The following OR2AT4 variants were observed in gnomAD, a reference collection of about 807,000 sequenced individuals.
OR2AT4 encodes the protein olfactory receptor family 2 subfamily AT member 4, also known as olfactory receptor 2AT4.
In OR2AT4, 6 loss-of-function variants were observed where a neutral mutation model predicts 10.3. The observed-to-expected ratio is 0.58, with a 90% confidence interval of 0.32 to 1.15. The LOEUF (loss-of-function observed/expected upper bound fraction) is 1.15, where lower values mean the gene tolerates loss of function less well. OR2AT4 is among the 50% of genes most tolerant of loss of function. OR2AT4 has a pLI of 0.05. For missense variants in OR2AT4, 354 were observed against 393.8 expected, an observed-to-expected ratio of 0.90 and a Z score of 0.85; for synonymous variants, 145 against 159.1, an observed-to-expected ratio of 0.91 and a Z score of 0.67.
chr11:75,094,218 C>T (rs1949335074), intron 1 of OR2AT4, among the ~76,000 whole-genome samples: 1 of 152,148 alleles, frequency 6.6e-6, no homozygotes, highest in East Asian at 1.9e-4. Flanking sequence ...AGGACTGGAG[C>T]CCAGGCTCTA....
exon 2 of OR2AT4, chr11:75,089,222 T>C: frequency 6.2e-7 from 1 of 1,614,194 alleles, no homozygotes; most frequent in Non-Finnish European, 8.5e-7. Flanking sequence ...TCCTTACTAC[T>C]GCTGGGATGG....
chr11:75,088,679 G>T, exon 2 of OR2AT4: 2 of 1,340,330 alleles, frequency 1.5e-6, no homozygotes, highest in Non-Finnish European at 2.0e-6. Flanking sequence ...TCATTATCAT[G>T]TATTGAGTCC....
chr11:75,083,233 G>T (rs1232347965), exon 2 of OR2AT4: 1 of 151,772 alleles, frequency 6.6e-6, no homozygotes, highest in Non-Finnish European at 1.5e-5. Flanking sequence ...TTAAAAAGTG[G>T]GCAAAACACA....
exon 2 of OR2AT4, chr11:75,086,079 G>C (rs933381105): frequency 2.0e-5 from 3 of 152,036 alleles, no homozygotes; most frequent in African/African-American, 7.2e-5. Context: ...AAGGCAATTT[G>C]ATAGATAAAG....
At chr11:75,084,884 A>C (rs2140277945) in exon 2 of OR2AT4, 1 of 152,314 alleles carries the variant, frequency 6.6e-6, no homozygotes, top group African/African-American at 2.4e-5. Context: ...GAAGTTGCTA[A>C]TGCAGGAGCT....
chr11:75,089,460 T>C (rs144420043), exon 2 of OR2AT4: 13 of 1,614,032 alleles, frequency 8.1e-6, no homozygotes, highest in African/African-American at 8.0e-5. Flanking sequence ...GGACAGCATC[T>C]TGGGGACAGT....
exon 2 of OR2AT4, chr11:75,085,889 C>A (rs538187534): frequency 1.3e-5 from 2 of 151,906 alleles, no homozygotes; most frequent in South Asian, 4.2e-4. Flanking sequence ...CAAACAACTG[C>A]AAAAAAATTA....
chr11:75,089,400 T>C (rs1949310010), exon 2 of OR2AT4: 1 of 1,613,994 alleles, frequency 6.2e-7, no homozygotes, highest in African/African-American at 1.3e-5. Flanking sequence ...GAGGTACATC[T>C]GCAGTAAGCA....
At chr11:75,092,055 G>A (rs769307369) in intron 1 of OR2AT4, among the ~76,000 whole-genome samples, 6 of 152,234 alleles carry the variant, frequency 3.9e-5, no homozygotes, top group Non-Finnish European at 7.4e-5. Context: ...AAAGACAGAT[G>A]ACCTAATGGA....
exon 2 of OR2AT4, chr11:75,083,562 T>TA (rs1949275196): frequency 6.6e-6 from 1 of 152,092 alleles, no homozygotes; most frequent in Non-Finnish European, 1.5e-5. Flanking sequence ...CAAAAGAAAA[T>TA]ACGTTATTCT....
chr11:75,089,500 A>C (rs112918523), exon 2 of OR2AT4: 8 of 1,614,214 alleles, frequency 5.0e-6, no homozygotes, highest in Non-Finnish European at 6.8e-6. Context: ...TCCAAGGTGG[A>C]GAGATTGATC....
exon 2 of OR2AT4, chr11:75,084,243 G>A (rs1244992493): frequency 4.6e-5 from 7 of 152,080 alleles, no homozygotes; most frequent in African/African-American, 4.8e-5. Flanking sequence ...TACCTGCTGC[G>A]TACTATGCTC....
exon 2 of OR2AT4, chr11:75,085,087 T>C (rs1184105269): frequency 6.6e-6 from 1 of 151,994 alleles, no homozygotes; most frequent in Admixed American, 6.6e-5. Context: ...ACAAACTAAA[T>C]GCTGATTCTT....
exon 2 of OR2AT4, chr11:75,086,211 C>T (rs895133718): frequency 6.6e-6 from 1 of 152,032 alleles, no homozygotes; most frequent in African/African-American, 2.4e-5. Context: ...AGAATGAAAT[C>T]AAAAATAGAA....
intron 1 of OR2AT4, among the ~76,000 whole-genome samples, chr11:75,094,015 G>T (rs1949334080): frequency 6.6e-6 from 1 of 151,412 alleles, no homozygotes; most frequent in Non-Finnish European, 1.5e-5. Flanking sequence ...CAGAGACGGG[G>T]TTTCACCATG....
exon 2 of OR2AT4, chr11:75,084,031 T>C (rs2140277743): frequency 6.6e-6 from 1 of 150,670 alleles, no homozygotes; most frequent in Non-Finnish European, 1.5e-5. Context: ...AAATGCTACA[T>C]AGCCATAAAA....
exon 2 of OR2AT4, chr11:75,089,057 C>A (rs889953815): frequency 1.2e-6 from 2 of 1,613,970 alleles, no homozygotes; most frequent in East Asian, 2.2e-5. Flanking sequence ...AGGAGAGAAG[C>A]ACCAGGAGAA....
chr11:75,093,030 G>A (rs1949327304), intron 1 of OR2AT4, among the ~76,000 whole-genome samples: 1 of 152,296 alleles, frequency 6.6e-6, no homozygotes, highest in African/African-American at 2.4e-5. Flanking sequence ...AACCTGGGAG[G>A]TGGAGGTTGC....
At chr11:75,095,131 C>A (rs1217712608) in intron 1 of OR2AT4, among the ~76,000 whole-genome samples, 1 of 152,178 alleles carries the variant, frequency 6.6e-6, no homozygotes, top group East Asian at 1.9e-4. Context: ...GATGCTGAGT[C>A]TGAAGTCCAG....
Sources: allele counts gnomAD v4.1 joint callset (sites outside exome capture counted in the v4.1 genomes callset), GRCh38; gene constraint gnomAD v4.1.1; transcripts MANE v1.5; gene names NCBI Gene and HGNC (gene_info 2026-07-23, HGNC 2026-07-21).